The following SRBD1 variants were observed in gnomAD, a reference collection of about 807,000 sequenced individuals.
SRBD1 encodes S1 RNA binding domain 1, also known as S1 RNA-binding domain-containing protein 1.
Under a neutral mutation model 115.3 loss-of-function variants are expected in SRBD1, and 88 were observed. The ratio of observed to expected loss-of-function variants is 0.76; its 90% CI spans 0.64 to 0.91. The LOEUF (loss-of-function observed/expected upper bound fraction) is 0.91. SRBD1 is among the 40% of genes least tolerant of loss of function. The probability of loss-of-function intolerance (pLI) is 0.00; values close to 1 mark genes in which losing one functional copy is unlikely to be tolerated. For synonymous variants in SRBD1, 509 were observed against 407.7 expected (o/e 1.25, Z -2.99); for missense variants, 1,385 against 1,177.4 (o/e 1.18, Z -2.58).
chr2:45,476,156 A>G (rs1558420446), intron 16 of SRBD1, among the ~76,000 whole-genome samples: 1 of 152,196 alleles, frequency 6.6e-6, no homozygotes, highest in Non-Finnish European at 1.5e-5. Flanking sequence ...ATCTCAATAT[A>G]TGACAGGTTA....
intron 14 of SRBD1, among the ~76,000 whole-genome samples, chr2:45,502,166 C>A (rs1197421091): frequency 2.0e-5 from 3 of 152,186 alleles, no homozygotes; most frequent in East Asian, 3.9e-4. Context: ...GCTGCTGATA[C>A]CCAGGCAAAC....
At chr2:45,563,753 G>C (rs535141455) in intron 9 of SRBD1, among the ~76,000 whole-genome samples, 1 of 152,036 alleles carries the variant, frequency 6.6e-6, no homozygotes, top group African/African-American at 2.4e-5. Flanking sequence ...AAACCAAAAA[G>C]AAACAGAAAA....
chr2:45,420,331 G>T (rs1029264886), intron 16 of SRBD1, among the ~76,000 whole-genome samples: 2 of 152,062 alleles, frequency 1.3e-5, no homozygotes, highest in African/African-American at 4.8e-5. Flanking sequence ...ATTCATGCAC[G>T]GCCTTATAGT....
intron 14 of SRBD1, among the ~76,000 whole-genome samples, chr2:45,505,372 G>A (rs754803894): frequency 4.0e-4 from 61 of 152,300 alleles, no homozygotes; most frequent in African/African-American, 1.4e-3. Flanking sequence ...CTCAGGCTCA[G>A]TTAAATCAAT....
intron 14 of SRBD1, among the ~76,000 whole-genome samples, chr2:45,499,918 T>A (rs116667373): frequency 6.6e-6 from 1 of 152,166 alleles, no homozygotes; most frequent in Non-Finnish European, 1.5e-5. Context: ...TACTTTGAAA[T>A]CAGGTAGTGT....
chr2:45,596,707 A>C (rs1005965018), intron 4 of SRBD1, among the ~76,000 whole-genome samples: 1 of 152,214 alleles, frequency 6.6e-6, no homozygotes, highest in Non-Finnish European at 1.5e-5. Context: ...GCTCATAACA[A>C]GTCATCTATA....
At chr2:45,442,235 T>C (rs1473945802) in intron 16 of SRBD1, among the ~76,000 whole-genome samples, 1 of 152,180 alleles carries the variant, frequency 6.6e-6, no homozygotes, top group African/African-American at 2.4e-5. Context: ...AGATTCTCTA[T>C]CTTATAACTG....
intron 10 of SRBD1, among the ~76,000 whole-genome samples, chr2:45,558,199 G>A (rs1396169488): frequency 6.6e-6 from 1 of 152,170 alleles, no homozygotes; most frequent in East Asian, 1.9e-4. Flanking sequence ...GTGTGGTGGT[G>A]CATGCCTGCA....
chr2:45,593,605 G>C (rs1456013296), intron 4 of SRBD1, among the ~76,000 whole-genome samples: 1 of 152,160 alleles, frequency 6.6e-6, no homozygotes, highest in African/African-American at 2.4e-5. Context: ...ATAAACTATA[G>C]CCTTAATCAT....
intron 16 of SRBD1, among the ~76,000 whole-genome samples, chr2:45,436,312 T>C (rs1668496876): frequency 6.6e-6 from 1 of 152,210 alleles, no homozygotes; most frequent in African/African-American, 2.4e-5. Context: ...TAACATTTAA[T>C]GGTAAGAAAC....
At chr2:45,562,158 C>T (rs1672684316) in intron 10 of SRBD1, among the ~76,000 whole-genome samples, 1 of 152,070 alleles carries the variant, frequency 6.6e-6, no homozygotes, top group African/African-American at 2.4e-5. Flanking sequence ...GACACACATA[C>T]TTATTTTATT....
intron 5 of SRBD1, among the ~76,000 whole-genome samples, chr2:45,583,482 T>A (rs1434880825): frequency 6.6e-6 from 1 of 152,172 alleles, no homozygotes; most frequent in African/African-American, 2.4e-5. Context: ...ACTCTTTAAT[T>A]CACTTTTCAA....
At chr2:45,545,602 G>C (rs931263456) in intron 14 of SRBD1, among the ~76,000 whole-genome samples, 2 of 152,106 alleles carry the variant, frequency 1.3e-5, no homozygotes, top group African/African-American at 2.4e-5. Context: ...TTCTCAAAAG[G>C]ACTGGGTGCA....
chr2:45,427,435 A>G (rs1030898261), intron 16 of SRBD1, among the ~76,000 whole-genome samples: 3 of 150,562 alleles, frequency 2.0e-5, no homozygotes, highest in African/African-American at 7.3e-5. Context: ...AGGAATATTT[A>G]TCAAGCAAAT....
intron 12 of SRBD1, among the ~76,000 whole-genome samples, chr2:45,550,653 T>G (rs1291110091): frequency 6.6e-6 from 1 of 152,004 alleles, no homozygotes; most frequent in East Asian, 1.9e-4. Context: ...AGTAATAGCA[T>G]AGAGTTCTTC....
intron 19 of SRBD1, among the ~76,000 whole-genome samples, chr2:45,400,333 A>C (rs1441920475): frequency 6.6e-6 from 1 of 152,040 alleles, no homozygotes; most frequent in Admixed American, 6.6e-5. Context: ...TGAGTGGTCT[A>C]AACTTGATGA....
intron 14 of SRBD1, among the ~76,000 whole-genome samples, chr2:45,533,589 T>C (rs1671678004): frequency 6.6e-6 from 1 of 152,042 alleles, no homozygotes; most frequent in South Asian, 2.1e-4. Flanking sequence ...TGAATTCCAC[T>C]CTATTTTCAA....
intron 14 of SRBD1, among the ~76,000 whole-genome samples, chr2:45,528,779 G>A (rs767571419): frequency 1.3e-5 from 2 of 151,886 alleles, no homozygotes. Context: ...GTGGGGAAGA[G>A]GTACAAGAAT....
intron 19 of SRBD1, among the ~76,000 whole-genome samples, chr2:45,397,051 C>G (rs1667167008): frequency 6.6e-6 from 1 of 152,076 alleles, no homozygotes; most frequent in Admixed American, 6.5e-5. Context: ...TACCCATTAG[C>G]TTTACTCAGT....
Sources: allele counts gnomAD v4.1 joint callset (sites outside exome capture counted in the v4.1 genomes callset), GRCh38; gene constraint gnomAD v4.1.1; transcripts MANE v1.5; gene names NCBI Gene and HGNC (gene_info 2026-07-23, HGNC 2026-07-21).